Variants in STRBP observed in about 807,000 individuals in gnomAD.
STRBP encodes the protein spermatid perinuclear RNA binding protein.
A neutral mutation model predicts 80.1 loss-of-function variants in STRBP; 13 were observed. That is an observed-to-expected ratio of 0.16 (90% CI 0.11 to 0.26). The LOEUF is 0.26. STRBP is among the 10% of genes least tolerant of loss of function. The probability of loss-of-function intolerance (pLI) is 1.00; values close to 1 mark genes in which losing one functional copy is unlikely to be tolerated. For synonymous variants in STRBP, 284 were observed against 291.2 expected (o/e 0.98, Z 0.25); for missense variants, 485 against 815.2 (o/e 0.59, Z 4.93).
At chr9:123,182,140 G>A (rs1354034412) in intron 3 of STRBP, among the ~76,000 whole-genome samples, 2 of 146,252 alleles carry the variant, frequency 1.4e-5, no homozygotes, top group South Asian at 2.2e-4. Flanking sequence ...ACTTGAACCC[G>A]GGACACAGAG....
intron 13 of STRBP, among the ~76,000 whole-genome samples, chr9:123,141,390 A>T (rs912234462): frequency 6.6e-6 from 1 of 152,192 alleles, no homozygotes; most frequent in African/African-American, 2.4e-5. Flanking sequence ...GTGCTCAGGT[A>T]ATACTTTACA....
At chr9:123,116,137 G>A (rs139205308) in intron 2 of STRBP, 97 of 455,560 alleles carry the variant, frequency 2.1e-4, no homozygotes, top group African/African-American at 1.5e-3. Flanking sequence ...TGAGACTTCC[G>A]AGAAGTCTCA....
At chr9:123,194,706 T>C (rs564521651) in intron 2 of STRBP, among the ~76,000 whole-genome samples, 1 of 152,258 alleles carries the variant, frequency 6.6e-6, no homozygotes, top group African/African-American at 2.4e-5. Context: ...AGGATTTCCA[T>C]GGTATTTAAT....
At chr9:123,132,817 G>A (rs771253829) in intron 17 of STRBP, 28 bp downstream of exon 17, 3 of 1,611,768 alleles carry the variant, frequency 1.9e-6, no homozygotes, top group African/African-American at 2.7e-5. Context: ...CAGTAAAGGG[G>A]GCCAATCTCT....
chr9:123,120,700 C>G (rs1181392721), downstream of STRBP, among the ~76,000 whole-genome samples: 2 of 151,906 alleles, frequency 1.3e-5, no homozygotes, highest in African/African-American at 2.4e-5. Flanking sequence ...GTCCTTTGTT[C>G]TACTATAAAA....
chr9:123,227,563 T>C (rs1235410400), intron 2 of STRBP, among the ~76,000 whole-genome samples: 1 of 150,312 alleles, frequency 6.7e-6, no homozygotes, highest in Non-Finnish European at 1.5e-5. Flanking sequence ...CTTTTTTTTT[T>C]TTTCTTTTTT....
At chr9:123,153,737 T>C (rs959798586) in intron 11 of STRBP, among the ~76,000 whole-genome samples, 1 of 152,164 alleles carries the variant, frequency 6.6e-6, no homozygotes, top group Admixed American at 6.5e-5. Context: ...CATTTTGATA[T>C]TTTGGTCTGA....
chr9:123,266,599 A>G (rs2041271526), intron 1 of STRBP, among the ~76,000 whole-genome samples: 1 of 151,706 alleles, frequency 6.6e-6, no homozygotes, highest in Admixed American at 6.6e-5. Context: ...ATCTCTCCCC[A>G]TACTTCCACT....
intron 1 of STRBP, among the ~76,000 whole-genome samples, chr9:123,243,265 C>CAAAAAAAAAAAAAAAAAA (rs1160280485): frequency 1.3e-5 from 1 of 78,952 alleles, no homozygotes; most frequent in Non-Finnish European, 2.9e-5. Context: ...ATCAATAAGA[C>CAAAAAAAAAAAAAAAAAA]AAAAAAAAAA....
intron 11 of STRBP, among the ~76,000 whole-genome samples, chr9:123,150,442 C>T (rs2037004449): frequency 6.6e-6 from 1 of 152,118 alleles, no homozygotes; most frequent in South Asian, 2.1e-4. Flanking sequence ...TGCCACATGC[C>T]TGTAGTCCCA....
chr9:123,212,414 C>T (rs778504412), intron 2 of STRBP, among the ~76,000 whole-genome samples: 1 of 152,138 alleles, frequency 6.6e-6, no homozygotes, highest in Non-Finnish European at 1.5e-5. Flanking sequence ...CTTCAAACTA[C>T]TAAAATTCGT....
At chr9:123,162,692 C>T (rs1488011084) in intron 6 of STRBP, among the ~76,000 whole-genome samples, 1 of 152,196 alleles carries the variant, frequency 6.6e-6, no homozygotes, top group Non-Finnish European at 1.5e-5. Context: ...TGCATTGTTT[C>T]CCATTAACCA....
At chr9:123,138,971 A>G (rs965408788) in intron 14 of STRBP, among the ~76,000 whole-genome samples, 8 of 152,190 alleles carry the variant, frequency 5.3e-5, no homozygotes, top group Non-Finnish European at 1.5e-5. Context: ...TACTGTGTAT[A>G]CTCAGTACTT....
At chr9:123,264,506 A>C (rs2041227216) in intron 1 of STRBP, among the ~76,000 whole-genome samples, 1 of 152,242 alleles carries the variant, frequency 6.6e-6, no homozygotes, top group Non-Finnish European at 1.5e-5. Context: ...GGGGAGAAAA[A>C]AGAAACTAAG....
At chr9:123,241,684 C>T (rs1203510901) in intron 1 of STRBP, among the ~76,000 whole-genome samples, 1 of 152,018 alleles carries the variant, frequency 6.6e-6, no homozygotes, top group Non-Finnish European at 1.5e-5. Flanking sequence ...AAATACAGAA[C>T]ACATCCTGTT....
chr9:123,223,220 CAG>C (rs2040128381), intron 2 of STRBP, among the ~76,000 whole-genome samples: 2 of 152,090 alleles, frequency 1.3e-5, no homozygotes, highest in Admixed American at 1.3e-4. Flanking sequence ...AGAAAGAGGA[CAG>C]AGGTTAATAA....
intron 2 of STRBP, among the ~76,000 whole-genome samples, chr9:123,218,063 C>A (rs530782617): frequency 6.6e-6 from 1 of 152,292 alleles, no homozygotes; most frequent in African/African-American, 2.4e-5. Flanking sequence ...GATAATGTTT[C>A]TAAATTCAGG....
intron 1 of STRBP, among the ~76,000 whole-genome samples, chr9:123,257,923 A>G (rs996971559): frequency 6.6e-6 from 1 of 151,936 alleles, no homozygotes. Flanking sequence ...GAATTATTAT[A>G]TCTATATCTT....
chr9:123,147,268 G>A (rs767996790), intron 12 of STRBP, among the ~76,000 whole-genome samples: 11 of 151,842 alleles, frequency 7.2e-5, no homozygotes, highest in Non-Finnish European at 1.3e-4. Context: ...ATTAATTTTC[G>A]CTTGTCAATA....
Sources: allele counts gnomAD v4.1 joint callset (sites outside exome capture counted in the v4.1 genomes callset), GRCh38; gene constraint gnomAD v4.1.1; transcripts MANE v1.5; gene names NCBI Gene and HGNC (gene_info 2026-07-23, HGNC 2026-07-21).